Variants in RFX6 observed in about 807,000 individuals in gnomAD.
RFX6 encodes the protein regulatory factor X6.
Under a neutral mutation model 110.8 loss-of-function variants are expected in RFX6, and 50 were observed. The observed-to-expected ratio is 0.45, with a 90% CI of 0.36 to 0.57. The LOEUF (loss-of-function observed/expected upper bound fraction) is 0.57, where lower values mean the gene tolerates loss of function less well. Ranked by LOEUF, RFX6 falls within the 20% of genes least tolerant of loss-of-function variation. The probability of loss-of-function intolerance (pLI) is 0.00; values close to 1 mark genes in which losing one functional copy is unlikely to be tolerated. For synonymous variants in RFX6, 383 were observed against 411.2 expected (o/e 0.93, Z 0.83); for missense variants, 990 against 1,127.0 (o/e 0.88, Z 1.74).
In RFX6 at chr6:116,918,019, T is replaced by A; in HGVS notation, c.973-18T>A. Reference sequence around the variant, plus strand: ...TACTAAGTAAAGATTTGTATTAACCTCTTTTGCTATGATTAAGGTTCTTAC... The same window carrying A: ...TACTAAGTAAAGATTTGTATTAACCACTTTTGCTATGATTAAGGTTCTTAC... On this transcript the variant is annotated intron_variant, in intron 9 of 18. Coordinates refer to ENST00000332958, the MANE Select transcript of RFX6 (RefSeq NM_173560.4). The A allele has an allele frequency of 2.5e-6, 4 of 1,576,428 alleles. No homozygotes were observed. The highest frequency in any genetic ancestry group is 3.5e-6 in the Non-Finnish European group (4 of 1,147,208).
chr6:116,890,776 A>T (rs1033232669), intron 4 of RFX6, among the ~76,000 whole-genome samples: 2 of 152,176 alleles, frequency 1.3e-5, no homozygotes, highest in Non-Finnish European at 2.9e-5. Context: ...TTAATTAAAA[A>T]GCACGGTTTT....
intron 13 of RFX6, among the ~76,000 whole-genome samples, chr6:116,922,515 A>G (rs1455410313): frequency 1.3e-5 from 2 of 152,204 alleles, no homozygotes; most frequent in Non-Finnish European, 2.9e-5. Context: ...TGCTGATGGA[A>G]AACATGGTTC....
At chr6:116,927,636 A>G in intron 17 of RFX6, 97 bp downstream of exon 17, 1 of 956,546 alleles carries the variant, frequency 1.0e-6, no homozygotes, top group Admixed American at 1.9e-5. Context: ...ATGTCCTTTC[A>G]TTTAAGGCTT....
chr6:116,893,353 G>C (rs1355005430), intron 4 of RFX6, among the ~76,000 whole-genome samples: 1 of 152,192 alleles, frequency 6.6e-6, no homozygotes, highest in Non-Finnish European at 1.5e-5. Flanking sequence ...TGCTATACTT[G>C]TATTGTGTCT....
chr6:116,927,670 A>G (rs1004816485), intron 17 of RFX6, 131 bp downstream of exon 17: 44 of 780,618 alleles, frequency 5.6e-5, no homozygotes, highest in Non-Finnish European at 8.1e-5. Context: ...AATCTTAGAC[A>G]TTTGGAGCTG....
chr6:116,896,393 T>C (rs774475066), intron 6 of RFX6, among the ~76,000 whole-genome samples: 16 of 152,214 alleles, frequency 1.1e-4, no homozygotes, highest in Non-Finnish European at 2.1e-4. Flanking sequence ...AAGGCAATAA[T>C]AGTGTACCAT....
At chr6:116,918,140 C>A in intron 10 of RFX6, 54 bp downstream of exon 10, 2 of 1,211,222 alleles carry the variant, frequency 1.7e-6, no homozygotes, top group Non-Finnish European at 2.4e-6. Flanking sequence ...TAACTTTATA[C>A]ATTATATTAG....
chr6:116,900,830 G>A (rs1258349043), intron 6 of RFX6, among the ~76,000 whole-genome samples: 1 of 151,998 alleles, frequency 6.6e-6, no homozygotes, highest in Non-Finnish European at 1.5e-5. Context: ...TAATGATATA[G>A]AGAAATGTTA....
chr6:116,923,247 CTG>C, intron 14 of RFX6, 23 bp downstream of exon 14: 1 of 1,042,902 alleles, frequency 9.6e-7, no homozygotes, highest in Non-Finnish European at 1.5e-6. Flanking sequence ...CATTATAAAA[CTG>C]TTCTTACATG....
chr6:116,900,595 T>A (rs569227946), intron 6 of RFX6, among the ~76,000 whole-genome samples: 9 of 151,756 alleles, frequency 5.9e-5, no homozygotes, highest in Admixed American at 2.6e-4. Flanking sequence ...TATTTTTATT[T>A]AAAAAAAATT....
At chr6:116,879,102 G>T (rs751497550) in intron 2 of RFX6, among the ~76,000 whole-genome samples, 10 of 151,862 alleles carry the variant, frequency 6.6e-5, no homozygotes, top group Non-Finnish European at 1.3e-4. Context: ...GAGCTGTTTC[G>T]AATGATTACT....
At chr6:116,917,557 T>C (rs1474732417) in intron 9 of RFX6, among the ~76,000 whole-genome samples, 1 of 152,148 alleles carries the variant, frequency 6.6e-6, no homozygotes, top group Non-Finnish European at 1.5e-5. Context: ...GTCCAAGAAA[T>C]ACTTTTAAAA....
intron 3 of RFX6, among the ~76,000 whole-genome samples, chr6:116,881,363 G>T (rs572800943): frequency 1.3e-5 from 2 of 151,884 alleles, no homozygotes; most frequent in South Asian, 4.2e-4. Flanking sequence ...AGGAAGCTTG[G>T]GTCTCAAATA....
Position 116,931,592 on chromosome 6 carries a change from T to A in RFX6, c.*86T>A, listed in dbSNP as rs942841487. 1 of 1,017,876 alleles carries A rather than the reference T, an allele frequency of 9.8e-7. No homozygotes were observed. Among genetic ancestry groups the A allele is most frequent in the Non-Finnish European group, 1.5e-6 (1 of 674,536 alleles). The allele number at this position is 1,017,876 out of a possible 1,614,324, so 63.1% of individuals were successfully genotyped here. A position where few individuals can be genotyped will look rare whatever the true frequency, so the allele number is the denominator to read the frequency against. ...TTATTCACTCAGACTTCCATAAGAG[T>A]AAATAAAAATGAATATGCAGTGGCT... On this transcript the variant is annotated 3_prime_UTR_variant, in exon 19 of 19. Coordinates refer to ENST00000332958, the MANE Select transcript of RFX6 (RefSeq NM_173560.4).
chr6:116,904,882 A>T (rs1775161798), intron 6 of RFX6, among the ~76,000 whole-genome samples: 2 of 152,162 alleles, frequency 1.3e-5, no homozygotes, highest in African/African-American at 4.8e-5. Flanking sequence ...ATTTCATTGT[A>T]TGTATATACA....
chr6:116,916,122 A>G, intron 8 of RFX6, 37 bp downstream of exon 8: 1 of 1,549,632 alleles, frequency 6.5e-7, no homozygotes, highest in Non-Finnish European at 8.9e-7. Context: ...TGACCCTATT[A>G]TATATACTTT....
At chr6:116,887,049 G>A (rs374118500) in intron 4 of RFX6, among the ~76,000 whole-genome samples, 4 of 151,950 alleles carry the variant, frequency 2.6e-5, no homozygotes, top group East Asian at 1.9e-4. Context: ...GCGACCGAGC[G>A]AGACTCCATC....
intron 12 of RFX6, 110 bp downstream of exon 12, chr6:116,920,564 A>G (rs1427318145): frequency 4.3e-6 from 4 of 919,922 alleles, no homozygotes; most frequent in Non-Finnish European, 7.1e-6. Flanking sequence ...TAGGATGTTT[A>G]GCAGCATCCT....
At chr6:116,922,968 G>A in intron 13 of RFX6, 139 bp from the exon 14 acceptor site, 1 of 721,846 alleles carries the variant, frequency 1.4e-6, no homozygotes, top group Non-Finnish European at 2.5e-6. Flanking sequence ...TCCCTGGACA[G>A]ATAGTTTTAT....
Sources: gnomAD v4.1 joint callset for allele counts (sites outside exome capture counted in the v4.1 genomes callset) on GRCh38, gnomAD v4.1.1 for gene constraint, MANE v1.5 for transcripts, NCBI Gene and HGNC (gene_info 2026-07-23, HGNC 2026-07-21) for gene names.